STK32C: variants seen among roughly 807,000 people sequenced by gnomAD.
STK32C encodes the protein serine/threonine-protein kinase 32C.
A neutral mutation model predicts 56.5 loss-of-function variants in STK32C; 31 were observed. The observed-to-expected ratio is 0.55, with a 90% confidence interval of 0.41 to 0.74. The LOEUF (loss-of-function observed/expected upper bound fraction) is 0.74. Ranked by LOEUF, STK32C falls within the 30% of genes least tolerant of loss-of-function variation. The pLI is 0.00. For synonymous variants in STK32C, 309 were observed against 289.4 expected, an observed-to-expected ratio of 1.07 and a Z score of -0.69; for missense variants, 544 against 676.9, an observed-to-expected ratio of 0.80 and a Z score of 2.18.
chr10:132,210,751 T>C (rs919700850), intron 10 of STK32C, among the ~76,000 whole-genome samples: 1 of 152,192 alleles, frequency 6.6e-6, no homozygotes, highest in African/African-American at 2.4e-5. Flanking sequence ...GAAGGAAGCA[T>C]AGGGCTCAAC....
At chr10:132,297,085 G>A (rs1387987851) in intron 1 of STK32C, among the ~76,000 whole-genome samples, 2 of 152,232 alleles carry the variant, frequency 1.3e-5, no homozygotes, top group Non-Finnish European at 2.9e-5. Flanking sequence ...TGTGGTGCCC[G>A]AGCAGGTGCA....
chr10:132,225,903 C>T (rs2062872739), intron 4 of STK32C, 119 bp from the exon 5 acceptor site: 5 of 1,343,062 alleles, frequency 3.7e-6, no homozygotes, highest in Non-Finnish European at 5.2e-6. Context: ...AGGCAGAGGC[C>T]TGGGAGCTTG....
chr10:132,282,494 C>T (rs543102538), intron 1 of STK32C, among the ~76,000 whole-genome samples: 2 of 125,968 alleles, frequency 1.6e-5, no homozygotes, highest in Non-Finnish European at 3.5e-5. Context: ...CCTGTGCCTG[C>T]GCCCACCTGT....
Position 132,207,649 on chromosome 10 carries a change from G to GC in STK32C, c.*360dup, listed in dbSNP as rs1219119886. On this transcript the variant is annotated 3_prime_UTR_variant, in exon 12 of 12. Transcript: ENST00000298630. ...GCCTGGGGCACCCGCGGCCTGTGCT[G>GC]CAAGGGTCACCTTGTGACGAGGGCC... The GC allele has an allele frequency of 2.9e-5, 6 of 209,022 alleles. No individual in the cohort carries two copies. The highest frequency in any genetic ancestry group is 1.1e-4 in the African/African-American group (5 of 43,760). The allele number at this position is 209,022 out of a possible 1,614,324, so 12.9% of individuals were successfully genotyped here.
intron 1 of STK32C, among the ~76,000 whole-genome samples, chr10:132,273,111 A>G (rs1044600868): frequency 2.6e-5 from 4 of 152,114 alleles, no homozygotes; most frequent in Non-Finnish European, 4.4e-5. Context: ...CCCCCTCAAC[A>G]GTATTTGTTT....
chr10:132,266,603 T>C (rs1479126306), intron 1 of STK32C, among the ~76,000 whole-genome samples: 1 of 152,124 alleles, frequency 6.6e-6, no homozygotes, highest in Non-Finnish European at 1.5e-5. Context: ...TGAGGTTACA[T>C]GGCCTGCCCA....
intron 1 of STK32C, among the ~76,000 whole-genome samples, chr10:132,275,554 C>T (rs1255624612): frequency 2.0e-5 from 3 of 152,242 alleles, no homozygotes; most frequent in African/African-American, 7.2e-5. Flanking sequence ...AGTGCCCGCT[C>T]TTCCTTCTGG....
chr10:132,225,518 C>A lies in STK32C; in HGVS notation c.772+9G>T, dbSNP rs373281127. ...CCAGCTCCCATCTGGAACCCCAGCT[C>A]GGGCTCACCCATGTACGGCTTGGTG... On this transcript the variant is annotated intron_variant, in intron 6 of 11. Transcript: ENST00000298630. 16 of 1,613,650 alleles carry A rather than the reference C, an allele frequency of 9.9e-6. No homozygotes were observed. In the African/African-American group the frequency reaches 2.0e-4, roughly 20 times the overall value.
chr10:132,275,285 G>A (rs2064961892), intron 1 of STK32C, among the ~76,000 whole-genome samples: 3 of 152,202 alleles, frequency 2.0e-5, no homozygotes, highest in Admixed American at 2.0e-4. Flanking sequence ...CGCTGGTGGG[G>A]GTGGGTGCTG....
In STK32C at chr10:132,208,132, G is replaced by A. The variant is rs200998484; in HGVS notation, c.1339C>T (p.Leu447Phe). Residue 447 changes from leucine (L) to phenylalanine (F), a missense_variant, in exon 12 of 12, where the codon CTC (leucine) becomes TTC (phenylalanine). By Grantham distance (22) the Leu-to-Phe change is conservative (BLOSUM62 0). Around this residue, in one of 3 missense-constraint regions of STK32C, gnomAD observed 277 missense variants for 309.3 expected, o/e 0.90. Coordinates refer to ENST00000298630, the MANE Select transcript of STK32C (RefSeq NM_173575.4). ...GGGGCGGGGAGAGGCTCCCTCGGGA[G>A]GTCCTGGCTCCTCTTCAGCCTGGGG... ...NREKLKRSQD[L>F]PREPLPAPES... The A allele has an allele frequency of 5.3e-5, 70 of 1,310,464 alleles. No homozygotes were observed. Among genetic ancestry groups the A allele is most frequent in the Non-Finnish European group, 6.9e-5 (70 of 1,021,336 alleles). 81.2% of individuals were successfully genotyped at this position (1,310,464 alleles called of 1,614,324 possible). A position where few individuals can be genotyped will look rare whatever the true frequency, so the allele number is the denominator to read the frequency against.
At chr10:132,265,996 T>C (rs1263357094) in intron 1 of STK32C, among the ~76,000 whole-genome samples, 1 of 152,178 alleles carries the variant, frequency 6.6e-6, no homozygotes, top group African/African-American at 2.4e-5. Context: ...TCCTAGCTAT[T>C]TACACAAAAG....
chr10:132,289,382 T>C (rs2065500763), intron 1 of STK32C, among the ~76,000 whole-genome samples: 1 of 152,194 alleles, frequency 6.6e-6, no homozygotes, highest in African/African-American at 2.4e-5. Context: ...AGCCATAAAC[T>C]GGAAGAAAAC....
At chr10:132,292,661 C>A (rs2065605062) in intron 1 of STK32C, among the ~76,000 whole-genome samples, 1 of 152,218 alleles carries the variant, frequency 6.6e-6, no homozygotes, top group African/African-American at 2.4e-5. Context: ...ATTCCCGGTG[C>A]CAGCCCAGGT....
intron 1 of STK32C, among the ~76,000 whole-genome samples, chr10:132,262,047 T>C (rs1316768756): frequency 6.6e-6 from 1 of 152,162 alleles, no homozygotes; most frequent in Non-Finnish European, 1.5e-5. Context: ...CAAACTCTAC[T>C]ACAGGGCCAA....
chr10:132,320,208 G>T (rs949542283), downstream of STK32C, among the ~76,000 whole-genome samples: 1 of 152,092 alleles, frequency 6.6e-6, no homozygotes, highest in Admixed American at 6.5e-5. Context: ...ATGGTGGGGG[G>T]TGTGCAGGAT....
At chr10:132,293,702 C>G (rs766819369) in intron 1 of STK32C, among the ~76,000 whole-genome samples, 1 of 152,082 alleles carries the variant, frequency 6.6e-6, no homozygotes, top group Non-Finnish European at 1.5e-5. Context: ...GGAGATCACA[C>G]AGCCAGGCAC....
intron 1 of STK32C, among the ~76,000 whole-genome samples, chr10:132,250,182 A>G (rs1194697641): frequency 6.6e-6 from 1 of 152,194 alleles, no homozygotes; most frequent in Non-Finnish European, 1.5e-5. Flanking sequence ...CGCAGAGCCC[A>G]GGGTGGCACT....
At chr10:132,281,608 G>A (rs1390029585) in intron 1 of STK32C, among the ~76,000 whole-genome samples, 1 of 152,200 alleles carries the variant, frequency 6.6e-6, no homozygotes, top group East Asian at 1.9e-4. Context: ...AAGAAATACT[G>A]TCTTTGAAAA....
chr10:132,262,753 CA>C (rs34135037), intron 1 of STK32C, among the ~76,000 whole-genome samples: 3,649 of 73,272 alleles, frequency 0.05, 103 homozygotes, highest in African/African-American at 0.14. Context: ...GACTCCATCT[CA>C]AAAAAAAAAA....
Sources: gnomAD v4.1 joint callset for allele counts (sites outside exome capture counted in the v4.1 genomes callset) on GRCh38, gnomAD v4.1.1 for gene constraint, gnomAD v4.1.1 regional missense constraint, MANE v1.5 for transcripts, NCBI Gene and HGNC (gene_info 2026-07-23, HGNC 2026-07-21) for gene names.